PCDH15: variants seen among roughly 807,000 people sequenced by gnomAD.
PCDH15 encodes the protein protocadherin-15.
Under a neutral mutation model 178.5 loss-of-function variants are expected in PCDH15, and 129 were observed. That is an observed-to-expected ratio of 0.72 (90% CI 0.63 to 0.84). The LOEUF (loss-of-function observed/expected upper bound fraction) is 0.84, where lower values mean the gene tolerates loss of function less well. Ranked by LOEUF, PCDH15 falls within the 40% of genes least tolerant of loss-of-function variation. The pLI, the probability that PCDH15 is intolerant of heterozygous loss-of-function variation, is 0.00. For missense variants in PCDH15, 2,230 were observed against 2,099.9 expected (o/e 1.06, Z -1.21); for synonymous variants, 800 against 732.0 (o/e 1.09, Z -1.50).
At chr10:55,286,475 C>T (rs1460093461) in intron 1 of PCDH15, among the ~76,000 whole-genome samples, 1 of 150,244 alleles carries the variant, frequency 6.7e-6, no homozygotes, top group African/African-American at 2.4e-5. Context: ...TAGGTTTGGT[C>T]ATATCTGTAG....
intron 2 of PCDH15, among the ~76,000 whole-genome samples, chr10:55,039,351 A>AAAAATGAATCTT (rs1048804107): frequency 6.6e-6 from 1 of 152,130 alleles, no homozygotes; most frequent in Non-Finnish European, 1.5e-5. Flanking sequence ...GAAATGAGAA[A>AAAAATGAATCTT]AAAATGAATC....
At chr10:55,450,909 GA>G (rs1436447287) in intron 2 of PCDH15, among the ~76,000 whole-genome samples, 1 of 145,324 alleles carries the variant, frequency 6.9e-6, no homozygotes, top group Non-Finnish European at 1.5e-5. Flanking sequence ...TAAAACATGT[GA>G]AAATTATATT....
rs555529578 is a variant in PCDH15 at position 53,822,131 on chromosome 10, T to C, written c.4368-1901A>G. 4.3e-6 allele frequency: 7 copies of C among 1,614,042 alleles called. No homozygotes were observed. The highest frequency in any genetic ancestry group is 3.3e-5 in the South Asian group (3 of 91,082). ...CTGTTTTACACACTGTCGTTGTTGA[T>C]AGCTGTGTCATAGAGGACTTAATTT... On this transcript the variant is annotated intron_variant, in intron 32 of 37. Coordinates refer to ENST00000644397, the MANE Select transcript of PCDH15 (RefSeq NM_001384140.1).
chr10:54,561,145 T>G (rs2088085800), intron 2 of PCDH15, among the ~76,000 whole-genome samples: 2 of 152,128 alleles, frequency 1.3e-5, no homozygotes, highest in Admixed American at 1.3e-4. Context: ...CTTAAACATC[T>G]TAAGTAAAAT....
chr10:53,998,959 G>A (rs981763208), intron 20 of PCDH15, among the ~76,000 whole-genome samples: 24 of 150,740 alleles, frequency 1.6e-4, no homozygotes, highest in Admixed American at 7.3e-4. Context: ...GGCTGAGGAA[G>A]GGAGAATTCC....
At chr10:53,964,712 T>A (rs2088806411) in intron 21 of PCDH15, among the ~76,000 whole-genome samples, 1 of 152,146 alleles carries the variant, frequency 6.6e-6, no homozygotes, top group Non-Finnish European at 1.5e-5. Context: ...TGATTTCACC[T>A]AGTGGTGGAT....
intron 1 of PCDH15, among the ~76,000 whole-genome samples, chr10:54,755,650 T>C (rs1591468759): frequency 6.6e-6 from 1 of 152,094 alleles, no homozygotes. Flanking sequence ...ATAGTAAACA[T>C]ATATATGAAT....
At chr10:54,099,873 T>A (rs899490963) in intron 15 of PCDH15, among the ~76,000 whole-genome samples, 1 of 152,138 alleles carries the variant, frequency 6.6e-6, no homozygotes, top group Non-Finnish European at 1.5e-5. Flanking sequence ...AGGTCTAGTA[T>A]CTACAAGATT....
intron 2 of PCDH15, among the ~76,000 whole-genome samples, chr10:54,962,135 G>A (rs1838672972): frequency 6.6e-6 from 1 of 152,244 alleles, no homozygotes; most frequent in African/African-American, 2.4e-5. Flanking sequence ...GAAAGGAGCT[G>A]TAACACTTGC....
intron 18 of PCDH15, among the ~76,000 whole-genome samples, chr10:54,048,778 T>C (rs149621927): frequency 6.6e-6 from 1 of 152,280 alleles, no homozygotes; most frequent in East Asian, 1.9e-4. Flanking sequence ...GCTTGTAGTA[T>C]AGTTTGAAGT....
At chr10:54,499,394 T>C (rs2080428067) in intron 3 of PCDH15, among the ~76,000 whole-genome samples, 2 of 152,092 alleles carry the variant, frequency 1.3e-5, no homozygotes, top group Non-Finnish European at 2.9e-5. Context: ...ACACAGAATG[T>C]ACTCTAAGAT....
At chr10:55,182,251 A>G (rs1839670182) in intron 1 of PCDH15, among the ~76,000 whole-genome samples, 3 of 151,976 alleles carry the variant, frequency 2.0e-5, no homozygotes, top group African/African-American at 7.2e-5. Context: ...ACCAGTAACA[A>G]GTGAATAAAA....
intron 16 of PCDH15, among the ~76,000 whole-genome samples, chr10:54,087,282 T>C (rs764836886): frequency 1.2e-4 from 18 of 152,154 alleles, no homozygotes; most frequent in Non-Finnish European, 2.5e-4. Context: ...CAACACCATA[T>C]CTATTAACAG....
intron 1 of PCDH15, among the ~76,000 whole-genome samples, chr10:55,234,850 AAT>A (rs1351683072): frequency 4.6e-5 from 7 of 152,022 alleles, no homozygotes; most frequent in Admixed American, 4.6e-4. Context: ...ATCGTTCATA[AAT>A]ATGTCAAAAG....
At chr10:54,097,297 T>C (rs1294890904) in intron 15 of PCDH15, among the ~76,000 whole-genome samples, 1 of 152,214 alleles carries the variant, frequency 6.6e-6, no homozygotes, top group Admixed American at 6.5e-5. Context: ...CTACTGTCTG[T>C]TTCTTTTACT....
intron 8 of PCDH15, among the ~76,000 whole-genome samples, chr10:54,313,829 G>C (rs2061056731): frequency 6.6e-6 from 1 of 152,084 alleles, no homozygotes; most frequent in Non-Finnish European, 1.5e-5. Context: ...GAATGAGAGA[G>C]ATGCTCAGTC....
At position 55,019,884 on chromosome 10, in the gene PCDH15, T is replaced by TA. The variant is rs548079932; in HGVS notation, c.-79-122385dup. ...ATGTCAATAGAATAGATATTAAGAA[T>TA]AAAAAAAACCATAAGACACATATAA... On this transcript the variant is annotated intron_variant, in intron 2 of 5. Transcript: ENST00000458638. Among the ~76,000 whole-genome samples the TA allele has an allele frequency of 1.9e-3, 283 of 151,198 alleles. 2 individuals carry two copies. The highest frequency in any genetic ancestry group is 6.5e-3 in the African/African-American group (267 of 41,268).
intron 1 of PCDH15, among the ~76,000 whole-genome samples, chr10:55,255,306 T>A (rs1398711614): frequency 6.6e-6 from 1 of 152,248 alleles, no homozygotes; most frequent in African/African-American, 2.4e-5. Context: ...GACTGCATAG[T>A]ATTCCATGGT....
chr10:55,192,950 A>G (rs572026633), intron 1 of PCDH15, among the ~76,000 whole-genome samples: 3 of 150,322 alleles, frequency 2.0e-5, no homozygotes, highest in Non-Finnish European at 3.0e-5. Context: ...ATATGCCTGC[A>G]TAGGTAGATT....
Sources: gnomAD v4.1 joint callset for allele counts (sites outside exome capture counted in the v4.1 genomes callset) on GRCh38, gnomAD v4.1.1 for gene constraint, MANE v1.5 for transcripts, NCBI Gene and HGNC (gene_info 2026-07-23, HGNC 2026-07-21) for gene names.